Variants in MUSTN1 observed in about 807,000 individuals in gnomAD.
MUSTN1 encodes the protein musculoskeletal embryonic nuclear protein 1.
Under a neutral mutation model 11.8 loss-of-function variants are expected in MUSTN1, and 14 were observed. The observed-to-expected ratio is 1.18, with a 90% CI of 0.78 to 1.85. MUSTN1 has a LOEUF of 1.85. Among genes scored for constraint, MUSTN1 ranks in the 40% most tolerant of loss-of-function variants. MUSTN1 has a pLI of 0.00. For synonymous variants in MUSTN1, 42 were observed against 43.3 expected, an observed-to-expected ratio of 0.97 and a Z score of 0.12; for missense variants, 111 against 108.8, an observed-to-expected ratio of 1.02 and a Z score of -0.09.
At chr3:52,834,104 G>T (rs1700650162) in intron 1 of MUSTN1, among the ~76,000 whole-genome samples, 1 of 152,198 alleles carries the variant, frequency 6.6e-6, no homozygotes, top group Non-Finnish European at 1.5e-5. Flanking sequence ...AGGGAATTTG[G>T]TTAGTTCCAA....
Position 52,833,398 on chromosome 3 carries a change from TGAACACCGACGGGGCGGCC to T in MUSTN1, c.156_174del (p.Ser56AlafsTer?). ...GTCTCGGTACCTGTGCGGGTGCGGC[TGAACACCGACGGGGCGGCC>T]GAGCCAGCTTGCTCTGTGGGAGGAG... On this transcript the variant is annotated frameshift_variant, in exon 3 of 3. Coordinates refer to ENST00000446157, the MANE Select transcript of MUSTN1 (RefSeq NM_205853.4). LOFTEE classifies it high-confidence loss of function. The T allele has an allele frequency of 6.2e-7, 1 of 1,613,652 alleles. No homozygotes were observed. Among genetic ancestry groups the T allele is most frequent in the East Asian group, 2.2e-5 (1 of 44,862 alleles).
intron 1 of MUSTN1, chr3:52,834,722 C>G (rs1477111127): frequency 4.4e-6 from 3 of 681,680 alleles, no homozygotes; most frequent in Non-Finnish European, 7.9e-6. Flanking sequence ...CCCAACATTT[C>G]TCTCCACTCC....
At chr3:52,834,201 G>A (rs1276241973) in intron 1 of MUSTN1, among the ~76,000 whole-genome samples, 1 of 152,214 alleles carries the variant, frequency 6.6e-6, no homozygotes, top group Non-Finnish European at 1.5e-5. Flanking sequence ...TTTGGGGCTG[G>A]AAATGGGGTA....
chr3:52,833,790 G>T (rs752507504), intron 1 of MUSTN1, 41 bp from the exon 2 acceptor site: 1 of 1,555,526 alleles, frequency 6.4e-7, no homozygotes, highest in Non-Finnish European at 8.7e-7. Context: ...CTGAAGCCTC[G>T]GTAGAAAGGC....
chr3:52,834,637 AGC>A (rs1491356916), intron 1 of MUSTN1: 2 of 523,022 alleles, frequency 3.8e-6, no homozygotes, highest in Middle Eastern at 2.8e-4. Flanking sequence ...CTATATCGGC[AGC>A]ACACACACAG....
intron 1 of MUSTN1, chr3:52,834,652 G>GCACACATA (rs142854055): frequency 4.1e-5 from 22 of 542,676 alleles, no homozygotes; most frequent in Non-Finnish European, 6.5e-5. Context: ...ACACACAGAT[G>GCACACATA]CGCACACACA....
Position 52,833,186 on chromosome 3 carries a change from T to C in MUSTN1, c.*138A>G, listed in dbSNP as rs1013695518. The C allele has an allele frequency of 7.7e-7, 1 of 1,304,706 alleles. No homozygotes were observed. The highest frequency in any genetic ancestry group is 1.5e-5 in the African/African-American group (1 of 68,316). The allele number at this position is 1,304,706 out of a possible 1,614,324, so 80.8% of individuals were successfully genotyped here. A position where few individuals can be genotyped will look rare whatever the true frequency, so the allele number is the denominator to read the frequency against. On this transcript the variant is annotated 3_prime_UTR_variant, in exon 3 of 3. Transcript: ENST00000446157. ...AAGGTGCTGGTGCAGAGCCCTTGGCTGAAGGGCCTGGACTGTGGGGGAGGG... is the reference window on the plus strand; with the variant it reads ...AAGGTGCTGGTGCAGAGCCCTTGGCCGAAGGGCCTGGACTGTGGGGGAGGG...
rs768736565 is a variant in MUSTN1 at position 52,833,404 on chromosome 3, C to A, written c.169G>T (p.Val57Leu). Residue 57 changes from valine to leucine, a missense_variant, in exon 3 of 3, where the codon GTG (valine) becomes TTG (leucine). Physicochemically the swap from Val to Leu is conservative, Grantham distance 32 (BLOSUM62 1). Coordinates refer to ENST00000446157, the MANE Select transcript of MUSTN1 (RefSeq NM_205853.4). ...GTACCTGTGCGGGTGCGGCTGAACA[C>A]CGACGGGGCGGCCGAGCCAGCTTGC... ...CEQAGSAAPS[V>L]FSRTRTGTET... is the part of the protein sequence containing the mutation. 1.9e-6 allele frequency: 3 copies of A among 1,613,432 alleles called. No individual in the cohort carries two copies. The Admixed American group carries it at 5.0e-5, about 27-fold the overall frequency.
intron 2 of MUSTN1, 36 bp downstream of exon 2, chr3:52,833,581 C>A (rs1051727180): frequency 6.2e-7 from 1 of 1,606,070 alleles, no homozygotes; most frequent in Admixed American, 1.7e-5. Context: ...CACCTGCACC[C>A]CCATCCCCAG....
At chr3:52,834,423 G>C (rs962398602) in intron 1 of MUSTN1, among the ~76,000 whole-genome samples, 1 of 152,106 alleles carries the variant, frequency 6.6e-6, no homozygotes, top group Admixed American at 6.5e-5. Context: ...TCCTCGCTCA[G>C]CCTGGGCCAG....
In MUSTN1 at chr3:52,833,645, G is replaced by A; in HGVS notation, c.114C>T (p.Ser38=). Residue 38 remains serine (S), a synonymous_variant, in exon 2 of 3, where the codon TCC becomes TCT. Transcript: ENST00000446157. Reference sequence around the variant, plus strand: ...ACTCTCGCATGACCTGGTAGGTCTTGGACTTGATTTCCTGGTTCTTGGTCA... The same window carrying A: ...ACTCTCGCATGACCTGGTAGGTCTTAGACTTGATTTCCTGGTTCTTGGTCA... The part of the protein sequence containing the change: ...GNLTKNQEIK[S]KTYQVMRECE... The A allele has an allele frequency of 6.2e-7, 1 of 1,609,826 alleles. No individual in the cohort carries two copies. The highest frequency in any genetic ancestry group is 1.1e-5 in the South Asian group (1 of 89,936).
chr3:52,834,659 C>CACACACAA (rs2106637609), intron 1 of MUSTN1: 3 of 605,212 alleles, frequency 5.0e-6, no homozygotes, highest in Admixed American at 2.9e-5. Flanking sequence ...GATGCGCACA[C>CACACACAA]ACACACACAC....
intron 1 of MUSTN1, 37 bp downstream of exon 1, chr3:52,834,903 C>T (rs1286111441): frequency 6.2e-7 from 1 of 1,612,014 alleles, no homozygotes; most frequent in Non-Finnish European, 8.5e-7. Context: ...CCTCCACTCC[C>T]TCTGGCATCA....
Position 52,833,343 on chromosome 3 carries a change from G to A in MUSTN1, c.230C>T (p.Thr77Ile). ...TVFEKPKAGP[T>I]KSVFG ...CACTTCTCAGCCGAAGACACTCTTG[G>A]TGGGTCCGGCTTTGGGCTTCTCAAA... The change falls in exon 3 of 3, where the codon ACC becomes ATC. Residue 77 changes from threonine (T) to isoleucine (I), a missense_variant. By Grantham distance (89) the Thr-to-Ile change is moderately conservative (BLOSUM62 -1). Coordinates refer to ENST00000446157, the MANE Select transcript of MUSTN1 (RefSeq NM_205853.4). 6.2e-7 allele frequency: 1 copy of A among 1,613,956 alleles called. No individual in the cohort carries two copies. Among genetic ancestry groups the A allele is most frequent in the African/African-American group, 1.3e-5 (1 of 75,022 alleles).
At chr3:52,834,767 T>C (rs935648613) in intron 1 of MUSTN1, 173 bp downstream of exon 1, 11 of 779,484 alleles carry the variant, frequency 1.4e-5, no homozygotes, top group Non-Finnish European at 2.2e-5. Flanking sequence ...CAAAGCCACA[T>C]AGAAGAGGGG....
In MUSTN1 at chr3:52,834,736, TAACA is replaced by T. The variant is rs375298709; in HGVS notation, c.9+200_9+203del. ...CCCCAACATTTCTCTCCACTCCTCC[TAACA>T]AACCGTGGAATACCACCAAAGCCAC... On this transcript the variant is annotated intron_variant, in intron 1 of 2. Transcript: ENST00000446157. 2,040 of 703,458 alleles carry T rather than the reference TAACA, an allele frequency of 2.9e-3. 12 individuals carry two copies. Among genetic ancestry groups the T allele is most frequent in the Middle Eastern group, 8.6e-3 (37 of 4,296 alleles). The allele number at this position is 703,458 out of a possible 1,614,324, so 43.6% of individuals were successfully genotyped here.
At position 52,833,445 on chromosome 3, in the gene MUSTN1, A is replaced by T. The variant is rs1700633444; in HGVS notation, c.143-15T>A. 2 of 1,608,432 alleles carry T rather than the reference A, an allele frequency of 1.2e-6. No homozygotes were observed. Among genetic ancestry groups the T allele is most frequent in the South Asian group, 2.2e-5 (2 of 90,892 alleles). On this transcript the variant is annotated splice_polypyrimidine_tract_variant and intron_variant, in intron 2 of 2. Transcript: ENST00000446157. ...GCCAGCTTGCTCTGTGGGAGGAGGT[A>T]AAGTCAGGGGCCAGCCTAGCTTCCT...
In MUSTN1 at chr3:52,833,318, C is replaced by T. The variant is rs752069045; in HGVS notation, c.*6G>A. ...TTCGGGCAGCAAGGGGAGTGGCGCA[C>T]ACTTCTCAGCCGAAGACACTCTTGG... On this transcript the variant is annotated 3_prime_UTR_variant, in exon 3 of 3. Transcript: ENST00000446157. The T allele has an allele frequency of 3.7e-6, 6 of 1,613,756 alleles. No individual in the cohort carries two copies. The Admixed American group carries it at 5.0e-5, about 13-fold the overall frequency.
At position 52,833,428 on chromosome 3, in the gene MUSTN1, G is replaced by A. The variant is rs781090226; in HGVS notation, c.145C>T (p.Gln49Ter). The change falls in exon 3 of 3, where the codon CAA becomes TAA. Residue 49 changes from glutamine (Q) to a stop codon, truncating the protein, a stop_gained and splice_region_variant. Coordinates refer to ENST00000446157, the MANE Select transcript of MUSTN1 (RefSeq NM_205853.4). LOFTEE classifies it high-confidence loss of function. Reference protein sequence around the residue: ...KTYQVMRECEQAGSAAPSVFS... With the variant: ...KTYQVMRECE Reference sequence around the variant, plus strand: ...ACCGACGGGGCGGCCGAGCCAGCTTGCTCTGTGGGAGGAGGTAAAGTCAGG... The same window carrying A: ...ACCGACGGGGCGGCCGAGCCAGCTTACTCTGTGGGAGGAGGTAAAGTCAGG... The A allele has an allele frequency of 1.9e-6, 3 of 1,611,782 alleles. No homozygotes were observed. The East Asian group carries it at 6.7e-5, about 36-fold the overall frequency.
Sources: allele counts gnomAD v4.1 joint callset (sites outside exome capture counted in the v4.1 genomes callset), GRCh38; gene constraint gnomAD v4.1.1; transcripts MANE v1.5; gene names NCBI Gene and HGNC (gene_info 2026-07-23, HGNC 2026-07-21).